SMARCC1: variants seen among roughly 807,000 people sequenced by gnomAD.
SMARCC1 encodes the protein SWI/SNF related BAF chromatin remodeling complex subunit C1.
In SMARCC1, 43 loss-of-function variants were observed where a neutral mutation model predicts 147.4. The observed-to-expected ratio is 0.29, with a 90% confidence interval of 0.23 to 0.38. SMARCC1 has a LOEUF of 0.38. Ranked by LOEUF, SMARCC1 falls within the 10% of genes least tolerant of loss-of-function variation. The pLI, the probability that SMARCC1 is intolerant of heterozygous loss-of-function variation, is 1.00. For missense variants in SMARCC1, 1,119 were observed against 1,381.1 expected (o/e 0.81, Z 3.01); for synonymous variants, 495 against 484.4 (o/e 1.02, Z -0.29).
intron 7 of SMARCC1, among the ~76,000 whole-genome samples, chr3:47,720,277 C>T (rs2034215144): frequency 2.6e-5 from 4 of 152,020 alleles, no homozygotes; most frequent in African/African-American, 9.6e-5. Flanking sequence ...GCACCTGCCA[C>T]CACGTCTGGC....
chr3:47,746,155 A>C (rs1252945079), intron 2 of SMARCC1, among the ~76,000 whole-genome samples, 162 bp from the exon 3 acceptor site: 1 of 152,212 alleles, frequency 6.6e-6, no homozygotes, highest in East Asian at 1.9e-4. Context: ...ACATTTTTCT[A>C]AAAGTAGATT....
At chr3:47,709,452 G>A (rs1011178580) in intron 9 of SMARCC1, among the ~76,000 whole-genome samples, 5 of 151,358 alleles carry the variant, frequency 3.3e-5, no homozygotes, top group Non-Finnish European at 5.9e-5. Flanking sequence ...TTGAGAGGCC[G>A]AGGCAGTCAG....
chr3:47,596,793 G>A (rs1198213390), intron 26 of SMARCC1, among the ~76,000 whole-genome samples: 1 of 152,006 alleles, frequency 6.6e-6, no homozygotes, highest in African/African-American at 2.4e-5. Flanking sequence ...AAGTGCCTTT[G>A]CAGAGAAGTA....
At chr3:47,680,327 G>T in intron 15 of SMARCC1, 110 bp downstream of exon 15, 2 of 754,972 alleles carry the variant, frequency 2.6e-6, no homozygotes, top group Non-Finnish European at 2.4e-6. Context: ...TGTTCTGAAA[G>T]GAGTATTTGC....
intron 1 of SMARCC1, among the ~76,000 whole-genome samples, chr3:47,781,123 T>C (rs967952217): frequency 2.0e-5 from 3 of 152,244 alleles, no homozygotes; most frequent in Middle Eastern, 3.4e-3. Flanking sequence ...TTCTCATCCA[T>C]CCTAGAATTC....
chr3:47,676,915 A>C, intron 16 of SMARCC1, 133 bp from the exon 17 acceptor site: 1 of 707,844 alleles, frequency 1.4e-6, no homozygotes, highest in East Asian at 2.7e-5. Flanking sequence ...AACATCACAA[A>C]CTACTTGACA....
At chr3:47,775,020 T>C (rs1185492583) in intron 1 of SMARCC1, among the ~76,000 whole-genome samples, 14 of 152,060 alleles carry the variant, frequency 9.2e-5, no homozygotes, top group Admixed American at 9.2e-4. Flanking sequence ...TCTGGGCTAG[T>C]CTAGAACTCC....
chr3:47,599,337 C>T (rs1371489151), intron 26 of SMARCC1, among the ~76,000 whole-genome samples: 1 of 152,166 alleles, frequency 6.6e-6, no homozygotes, highest in East Asian at 1.9e-4. Flanking sequence ...GAGCAGAGAT[C>T]ACACCACTGC....
chr3:47,718,216 G>T (rs968347913), intron 7 of SMARCC1, among the ~76,000 whole-genome samples: 1 of 151,464 alleles, frequency 6.6e-6, no homozygotes, highest in African/African-American at 2.4e-5. Flanking sequence ...AGGCCAAGGT[G>T]GGTGGATCAC....
intron 1 of SMARCC1, among the ~76,000 whole-genome samples, chr3:47,779,172 C>T (rs1365421859): frequency 1.3e-5 from 2 of 151,696 alleles, no homozygotes; most frequent in Non-Finnish European, 2.9e-5. Context: ...TTTGAGGTTG[C>T]AGTGAGCTAT....
chr3:47,616,062 G>A (rs184958159), intron 25 of SMARCC1, among the ~76,000 whole-genome samples: 1 of 152,160 alleles, frequency 6.6e-6, no homozygotes, highest in African/African-American at 2.4e-5. Context: ...AGCTATAAAT[G>A]GAATCAGCTC....
At chr3:47,772,250 T>C (rs1299775009) in intron 2 of SMARCC1, among the ~76,000 whole-genome samples, 1 of 152,148 alleles carries the variant, frequency 6.6e-6, no homozygotes, top group East Asian at 1.9e-4. Flanking sequence ...GTCACCCATA[T>C]GCGCGTGGTA....
intron 26 of SMARCC1, among the ~76,000 whole-genome samples, chr3:47,594,160 C>CAAA (rs35893415): frequency 1.3e-4 from 17 of 133,452 alleles, no homozygotes; most frequent in African/African-American, 4.8e-4. Context: ...AATGAAACTC[C>CAAA]AAAAAAAAAA....
intron 26 of SMARCC1, among the ~76,000 whole-genome samples, chr3:47,607,246 G>A (rs1310710169): frequency 6.6e-6 from 1 of 152,190 alleles, no homozygotes; most frequent in African/African-American, 2.4e-5. Flanking sequence ...TGGCAAGTCT[G>A]ACGATGGTAG....
rs756567757 is a variant in SMARCC1 at position 47,710,861 on chromosome 3, G to T, written c.793-53C>A. 2.2e-4 allele frequency: 327 copies of T among 1,486,268 alleles called. 1 individual carries two copies. The highest frequency in any genetic ancestry group is 3.5e-4 in the Middle Eastern group (2 of 5,666). The allele number at this position is 1,486,268 out of a possible 1,614,324, so 92.1% of individuals were successfully genotyped here. A position where few individuals can be genotyped will look rare whatever the true frequency, so the allele number is the denominator to read the frequency against. ...TACATAAATAACAAAATCACTCAAG[G>T]TTTTACAGTATTGAGAAGGAAACAA... On this transcript the variant is annotated intron_variant, in intron 8 of 27. Coordinates refer to ENST00000254480, the MANE Select transcript of SMARCC1 (RefSeq NM_003074.4).
chr3:47,696,085 G>T (rs1464365313), intron 11 of SMARCC1, among the ~76,000 whole-genome samples: 1 of 145,576 alleles, frequency 6.9e-6, no homozygotes, highest in South Asian at 2.3e-4. Context: ...AAAGGGGGGG[G>T]GGGGGCCAGG....
At chr3:47,693,419 C>T (rs1273383014) in intron 11 of SMARCC1, 119 bp from the exon 12 acceptor site, 9 of 631,486 alleles carry the variant, frequency 1.4e-5, no homozygotes, top group East Asian at 2.7e-5. Context: ...CAACACCATT[C>T]AATACACTTT....
At chr3:47,694,783 T>G (rs2033828302) in intron 11 of SMARCC1, among the ~76,000 whole-genome samples, 1 of 152,208 alleles carries the variant, frequency 6.6e-6, no homozygotes, top group Non-Finnish European at 1.5e-5. Flanking sequence ...TATTCTTAAG[T>G]GAGGCTGACC....
At chr3:47,648,745 A>G (rs1559634279) in intron 21 of SMARCC1, among the ~76,000 whole-genome samples, 1 of 152,032 alleles carries the variant, frequency 6.6e-6, no homozygotes, top group Non-Finnish European at 1.5e-5. Flanking sequence ...CCATGGACAA[A>G]TAATACTATG....
Sources: gnomAD v4.1 joint callset for allele counts (sites outside exome capture counted in the v4.1 genomes callset) on GRCh38, gnomAD v4.1.1 for gene constraint, MANE v1.5 for transcripts, NCBI Gene and HGNC (gene_info 2026-07-23, HGNC 2026-07-21) for gene names.